Variants in SLC9A9 observed in about 807,000 individuals in gnomAD.
SLC9A9 encodes the protein sodium/hydrogen exchanger 9.
SLC9A9 carries 62 observed loss-of-function variants against 77.8 expected under a neutral mutation model. The ratio of observed to expected loss-of-function variants is 0.80; its 90% CI spans 0.65 to 0.98. The LOEUF is 0.98. Among genes scored for constraint, SLC9A9 ranks in the 50% least tolerant of loss-of-function variants. The pLI is 0.00. For synonymous variants in SLC9A9, 320 were observed against 283.5 expected, an observed-to-expected ratio of 1.13 and a Z score of -1.29; for missense variants, 775 against 774.9, an observed-to-expected ratio of 1.00 and a Z score of 0.00.
intron 14 of SLC9A9, among the ~76,000 whole-genome samples, chr3:143,302,176 C>T (rs75284010): frequency 1.4e-4 from 21 of 152,260 alleles, no homozygotes; most frequent in East Asian, 9.7e-4. Flanking sequence ...ATGAGGAGCA[C>T]GTTGCCTTGA....
chr3:143,502,223 C>G (rs1185944387), intron 9 of SLC9A9, among the ~76,000 whole-genome samples: 2 of 150,762 alleles, frequency 1.3e-5, no homozygotes, highest in Admixed American at 1.3e-4. Context: ...GGAGAGGACC[C>G]AAGTTAAAAG....
chr3:143,564,407 C>A (rs1377340987), intron 8 of SLC9A9, among the ~76,000 whole-genome samples: 1 of 152,088 alleles, frequency 6.6e-6, no homozygotes, highest in Non-Finnish European at 1.5e-5. Context: ...ATCACCAGAA[C>A]ACAGAAAGAG....
At chr3:143,408,002 T>A (rs2034016028) in intron 12 of SLC9A9, among the ~76,000 whole-genome samples, 1 of 152,128 alleles carries the variant, frequency 6.6e-6, no homozygotes, top group Non-Finnish European at 1.5e-5. Flanking sequence ...GCGGAGGGCT[T>A]TTCTTGTGGG....
chr3:143,799,849 A>G (rs1033020337), intron 2 of SLC9A9, among the ~76,000 whole-genome samples: 4 of 152,096 alleles, frequency 2.6e-5, no homozygotes, highest in African/African-American at 9.7e-5. Flanking sequence ...AGTCTGTACC[A>G]TTTTTAATCA....
Position 143,585,960 on chromosome 3 carries a change from T to C in SLC9A9, c.756-7237A>G, listed in dbSNP as rs143579912. The stretch of plus-strand genomic sequence containing the variant: ...CACTGTGGGATGAGCTCGCAGCCTC[T>C]GTCCTTGCAGGTGGCACCAGCCTTT... On this transcript the variant is annotated intron_variant, in intron 6 of 15. Transcript: ENST00000316549. 6.1e-3 allele frequency among the ~76,000 whole-genome samples: 929 copies of C among 152,382 alleles called. 7 individuals carry two copies. Among genetic ancestry groups the C allele is most frequent in the Admixed American group, 0.012 (186 of 15,308 alleles).
chr3:143,452,458 T>C (rs1335936435), intron 12 of SLC9A9, among the ~76,000 whole-genome samples: 5 of 150,558 alleles, frequency 3.3e-5, no homozygotes, highest in African/African-American at 1.2e-4. Flanking sequence ...CTGACCTGGT[T>C]TCTTCTGAAA....
chr3:143,794,174 A>C (rs1451686708), intron 4 of SLC9A9, among the ~76,000 whole-genome samples: 2 of 152,206 alleles, frequency 1.3e-5, no homozygotes, highest in Non-Finnish European at 2.9e-5. Context: ...TCTGTAAGAG[A>C]ATGGGTGGAG....
intron 12 of SLC9A9, among the ~76,000 whole-genome samples, chr3:143,382,776 GCTGT>G (rs1425230124): frequency 6.6e-6 from 1 of 152,184 alleles, no homozygotes; most frequent in African/African-American, 2.4e-5. Flanking sequence ...TAATTAATTA[GCTGT>G]CTGACACACT....
At chr3:143,394,147 A>C (rs4311209) in intron 12 of SLC9A9, among the ~76,000 whole-genome samples, 15,819 of 152,172 alleles carry the variant, frequency 0.1, 931 homozygotes, top group South Asian at 0.16. Flanking sequence ...AGACACAACA[A>C]AAAAAAGAGA....
chr3:143,270,386 C>T (rs1937864839), intron 14 of SLC9A9, among the ~76,000 whole-genome samples: 1 of 152,082 alleles, frequency 6.6e-6, no homozygotes, highest in African/African-American at 2.4e-5. Context: ...CAATATCACC[C>T]CTAGAAGACA....
intron 6 of SLC9A9, among the ~76,000 whole-genome samples, chr3:143,636,000 G>A (rs938855828): frequency 6.6e-6 from 1 of 151,918 alleles, no homozygotes; most frequent in African/African-American, 2.4e-5. Flanking sequence ...ATTTTATCCT[G>A]CTGTCTTAAG....
intron 14 of SLC9A9, among the ~76,000 whole-genome samples, chr3:143,285,326 A>G (rs115532102): frequency 0.01 from 1,574 of 152,184 alleles, 34 homozygotes; most frequent in African/African-American, 0.036. Flanking sequence ...GGTGTCTGGC[A>G]TTTGTATTGG....
intron 14 of SLC9A9, among the ~76,000 whole-genome samples, chr3:143,295,020 A>G (rs1175377948): frequency 6.6e-6 from 1 of 152,236 alleles, no homozygotes; most frequent in Non-Finnish European, 1.5e-5. Flanking sequence ...GTGATTTAGA[A>G]AAAGCTGATG....
At chr3:143,653,091 C>G (rs370443617) in intron 5 of SLC9A9, among the ~76,000 whole-genome samples, 1 of 152,184 alleles carries the variant, frequency 6.6e-6, no homozygotes, top group Non-Finnish European at 1.5e-5. Context: ...GTTGCAATGG[C>G]CTACTCCTGT....
chr3:143,540,252 T>C (rs995810690), intron 9 of SLC9A9, among the ~76,000 whole-genome samples: 1 of 152,116 alleles, frequency 6.6e-6, no homozygotes, highest in Non-Finnish European at 1.5e-5. Context: ...TTATGTAGAA[T>C]GCTGATGAAT....
chr3:143,612,904 T>C (rs751350446), intron 6 of SLC9A9, among the ~76,000 whole-genome samples: 9 of 152,206 alleles, frequency 5.9e-5, no homozygotes, highest in Non-Finnish European at 1.2e-4. Context: ...TTAAGAACAC[T>C]AAATTGGACT....
rs377682237 is a variant in SLC9A9 at position 143,795,009 on chromosome 3, G to A, written c.525C>T (p.Ile175=). The A allele has an allele frequency of 6.8e-6, 11 of 1,613,764 alleles. No homozygotes were observed. Among genetic ancestry groups the A allele is most frequent in the South Asian group, 4.4e-5 (4 of 91,088 alleles). ...YAFLGTAISC[I]VIGLIMYGFV... ...CTCCGAATGTCACTTACCCTATGAC[G>A]ATGCAGGAGATGGCAGTTCCCAAGA... The change falls in exon 4 of 16, where the codon ATC becomes ATT. Residue 175 remains isoleucine (I), a synonymous_variant. Coordinates refer to ENST00000316549, the MANE Select transcript of SLC9A9 (RefSeq NM_173653.4).
chr3:143,784,647 C>T (rs1666417253), intron 4 of SLC9A9, among the ~76,000 whole-genome samples: 1 of 151,926 alleles, frequency 6.6e-6, no homozygotes, highest in Non-Finnish European at 1.5e-5. Flanking sequence ...GCATGAATCA[C>T]CAAACCCAGT....
chr3:143,682,026 G>T (rs1273707987), intron 5 of SLC9A9, among the ~76,000 whole-genome samples: 1 of 152,120 alleles, frequency 6.6e-6, no homozygotes, highest in African/African-American at 2.4e-5. Context: ...TCCATCTAAA[G>T]ACTTGTTTGA....
Sources: gnomAD v4.1 joint callset for allele counts (sites outside exome capture counted in the v4.1 genomes callset) on GRCh38, gnomAD v4.1.1 for gene constraint, MANE v1.5 for transcripts, NCBI Gene and HGNC (gene_info 2026-07-23, HGNC 2026-07-21) for gene names.